The following MEGF6 variants were observed in gnomAD, a reference collection of about 807,000 sequenced individuals.
The protein encoded by MEGF6 is multiple EGF like domains 6, also known as multiple epidermal growth factor-like domains protein 6.
MEGF6 carries 184 observed loss-of-function variants against 207.1 expected under a neutral mutation model. The observed-to-expected ratio is 0.89, with a 90% CI of 0.79 to 1.00. The LOEUF is 1.00. Among genes scored for constraint, MEGF6 ranks in the 50% least tolerant of loss-of-function variants. The pLI, the probability that MEGF6 is intolerant of heterozygous loss-of-function variation, is 0.00. For synonymous variants in MEGF6, 1,038 were observed against 910.0 expected (o/e 1.14, Z -2.53); for missense variants, 2,282 against 2,202.9 (o/e 1.04, Z -0.72).
At chr1:3,528,716 A>T (rs1476295442) in intron 4 of MEGF6, among the ~76,000 whole-genome samples, 3 of 152,046 alleles carry the variant, frequency 2.0e-5, no homozygotes, top group Non-Finnish European at 4.4e-5. Context: ...ATAGGCTTTG[A>T]GGATGGAGGA....
At chr1:3,601,905 C>A (rs542353773) in intron 2 of MEGF6, among the ~76,000 whole-genome samples, 112 of 152,356 alleles carry the variant, frequency 7.4e-4, no homozygotes, top group African/African-American at 2.6e-3. Flanking sequence ...TCTGAGAATG[C>A]GTTCCTGCCT....
intron 3 of MEGF6, among the ~76,000 whole-genome samples, chr1:3,581,502 G>C (rs188320286): frequency 6.6e-6 from 1 of 152,210 alleles, no homozygotes; most frequent in African/African-American, 2.4e-5. Flanking sequence ...CCCAGGGACC[G>C]GGGACCAACC....
intron 4 of MEGF6, among the ~76,000 whole-genome samples, chr1:3,564,698 GC>G (rs1212045116): frequency 1.3e-5 from 2 of 152,100 alleles, no homozygotes; most frequent in East Asian, 3.9e-4. Context: ...CAGGGGTATG[GC>G]CCCCACTCCC....
chr1:3,509,867 C>A lies in MEGF6; in HGVS notation c.1357+3G>T. 1.3e-6 allele frequency: 2 copies of A among 1,550,894 alleles called. No individual in the cohort carries two copies. Among genetic ancestry groups the A allele is most frequent in the Non-Finnish European group, 1.7e-6 (2 of 1,148,866 alleles). ...GGTGCTCCGCGGAGGGCGGGAGACTCACGGCTGCAGCCCCTACGGTCCTCG... is the reference window on the plus strand; with the variant it reads ...GGTGCTCCGCGGAGGGCGGGAGACTAACGGCTGCAGCCCCTACGGTCCTCG... On this transcript the variant is annotated splice_donor_region_variant and intron_variant, in intron 11 of 36. Transcript: ENST00000356575.
Position 3,498,419 on chromosome 1 carries a change from C to A in MEGF6, c.3304G>T (p.Gly1102Cys). 1 of 1,590,836 alleles carries A rather than the reference C, an allele frequency of 6.3e-7. No homozygotes were observed. The highest frequency in any genetic ancestry group is 2.3e-5 in the East Asian group (1 of 43,790). The change falls in exon 26 of 37, where the codon GGC becomes TGC. Residue 1102 changes from glycine (G) to cysteine (C), a missense_variant. Gly to Cys is a radical substitution (Grantham distance 159). Transcript: ENST00000356575. ...LNGGLCDPHT[G>C]RCLCPAGWTG... ...CAGCCGGCTGGGCAGAGGCAGCGGC[C>A]CGTGTGCGGGTCACACAGGCCCCCG...
At chr1:3,602,054 C>T (rs1002801778) in intron 2 of MEGF6, among the ~76,000 whole-genome samples, 1 of 152,186 alleles carries the variant, frequency 6.6e-6, no homozygotes, top group Admixed American at 6.5e-5. Context: ...CACTCAAGTT[C>T]GGTGTTGAAA....
chr1:3,605,446 TCATA>T (rs1644231449), intron 1 of MEGF6, among the ~76,000 whole-genome samples: 1 of 151,462 alleles, frequency 6.6e-6, no homozygotes, highest in African/African-American at 2.4e-5. Flanking sequence ...TCACACACCC[TCATA>T]CACACATATG....
intron 12 of MEGF6, 54 bp downstream of exon 12, chr1:3,509,021 C>G (rs868445223): frequency 6.8e-7 from 1 of 1,463,844 alleles, no homozygotes. Flanking sequence ...CCCGAGGGGT[C>G]GCTGGCTGCT....
Position 3,594,484 on chromosome 1 carries a change from G to A in MEGF6, c.376+854C>T, listed in dbSNP as rs183434170. 1.3e-3 allele frequency among the ~76,000 whole-genome samples: 194 copies of A among 152,244 alleles called. 1 individual carries two copies. Among genetic ancestry groups the A allele is most frequent in the African/African-American group, 4.2e-3 (174 of 41,542 alleles). On this transcript the variant is annotated intron_variant, in intron 3 of 36. Coordinates refer to ENST00000356575, the MANE Select transcript of MEGF6 (RefSeq NM_001409.4). The surrounding 1 kb of genome is among the most constrained non-coding windows in gnomAD (Gnocchi z 4.2). ...AAAATGTGGGGAGTGCGTGACTCCC[G>A]GCCACACTCCACGGCGCAGCCTGTC...
intron 1 of MEGF6, among the ~76,000 whole-genome samples, chr1:3,609,018 C>T (rs144652329): frequency 6.6e-6 from 1 of 152,334 alleles, no homozygotes; most frequent in Non-Finnish European, 1.5e-5. Context: ...GGCAGTAACG[C>T]TTCAACTCAG....
rs544529843 is a variant in MEGF6, at chr1:3,602,508, G to A, written c.224C>T (p.Ala75Val). ...GCACCACGCCTGCCACCCACAGCCG[G>A]CCTTCCACACCGGCACCGTGTGGCT... ...ALSHTVPVWK[A>V]GCGWQAWCVG... The change falls in exon 2 of 37, where the codon GCC (alanine) becomes GTC (valine). Residue 75 changes from alanine to valine, a missense_variant. Transcript: ENST00000356575. The A allele has an allele frequency of 9.3e-6, 15 of 1,613,256 alleles. No homozygotes were observed. In the South Asian group the frequency reaches 1.6e-4, roughly 18 times the overall value.
At chr1:3,508,073 C>T (rs1039487918) in intron 13 of MEGF6, 150 bp from the exon 14 acceptor site, 8 of 825,746 alleles carry the variant, frequency 9.7e-6, no homozygotes, top group Non-Finnish European at 1.3e-5. Context: ...ATGCTCATGG[C>T]AGACATCACT....
In MEGF6 at chr1:3,494,382, G is replaced by A. The variant is rs1427940560; in HGVS notation, c.4118C>T (p.Ala1373Val). The change falls in exon 32 of 37, where the codon GCC becomes GTC. Residue 1373 changes from alanine to valine, a missense_variant. Transcript: ENST00000356575. ...GGCCCCCAACTCACGGTGCTCGCAG[G>A]CCTGGCCATAGAAGCCGGGGCCGCA... is the stretch of plus-strand genomic sequence containing the variant. ...CRCGPGFYGQ[A>V]CEHPCPPGFH... 6.5e-7 allele frequency: 1 copy of A among 1,545,428 alleles called. No individual in the cohort carries two copies.
At chr1:3,537,097 C>T (rs1470779514) in intron 4 of MEGF6, among the ~76,000 whole-genome samples, 1 of 152,252 alleles carries the variant, frequency 6.6e-6, no homozygotes, top group Non-Finnish European at 1.5e-5. Flanking sequence ...GCCAGAGAGG[C>T]TGTGGGCATA....
At chr1:3,578,238 C>G (rs1643696747) in intron 4 of MEGF6, among the ~76,000 whole-genome samples, 1 of 152,240 alleles carries the variant, frequency 6.6e-6, no homozygotes, top group Admixed American at 6.5e-5. Flanking sequence ...ACCTCCCCAG[C>G]CTGCCCAGTC....
Position 3,524,114 on chromosome 1 carries a change from C to T in MEGF6, c.604+10G>A, listed in dbSNP as rs374628382. ...CAGGAGCCCAGGCAGGGTCTCCAGGCGACACTCACCCAGGCAGGTCCTGCT... is the reference window on the plus strand; with the variant it reads ...CAGGAGCCCAGGCAGGGTCTCCAGGTGACACTCACCCAGGCAGGTCCTGCT... On this transcript the variant is annotated intron_variant, in intron 5 of 36. Transcript: ENST00000356575. The T allele has an allele frequency of 2.5e-5, 41 of 1,609,714 alleles. 1 individual carries two copies. In the East Asian group the frequency reaches 6.9e-4, roughly 27 times the overall value.
At chr1:3,579,688 TCCTCAGAAGAATGC>T (rs144928681) in intron 4 of MEGF6, 123 bp downstream of exon 4, 5,669 of 559,174 alleles carry the variant, frequency 0.01, 219 homozygotes, top group African/African-American at 0.096. Flanking sequence ...TTGCGGAATG[TCCTCAGAAGAATGC>T]CCGTTCACTC....
At chr1:3,616,491 C>G (rs928325139), upstream of MEGF6, among the ~76,000 whole-genome samples, 1 of 152,134 alleles carries the variant, frequency 6.6e-6, no homozygotes, top group Admixed American at 6.5e-5. Flanking sequence ...TGCCAGCACC[C>G]CCAGTGTGAG....
chr1:3,513,086 T>G (rs1485339935), intron 7 of MEGF6, among the ~76,000 whole-genome samples: 2 of 152,212 alleles, frequency 1.3e-5, no homozygotes, highest in Admixed American at 1.3e-4. Flanking sequence ...AGCAAGCACA[T>G]TCACAAACAG....
Sources: gnomAD v4.1 joint callset for allele counts (sites outside exome capture counted in the v4.1 genomes callset) on GRCh38, gnomAD v4.1.1 for gene constraint, Gnocchi (gnomAD v3.1) non-coding constraint, MANE v1.5 for transcripts, NCBI Gene and HGNC (gene_info 2026-07-23, HGNC 2026-07-21) for gene names.